Variants in FAT3 observed in about 807,000 individuals in gnomAD.
The protein encoded by FAT3 is protocadherin Fat 3.
FAT3 carries 95 observed loss-of-function variants against 310.2 expected under a neutral mutation model. The observed-to-expected ratio is 0.31, with a 90% CI of 0.26 to 0.36. The LOEUF (loss-of-function observed/expected upper bound fraction) is 0.36, where lower values mean the gene tolerates loss of function less well. Ranked by LOEUF, FAT3 falls within the 10% of genes least tolerant of loss-of-function variation. FAT3 has a pLI of 1.00. For synonymous variants in FAT3, 2,314 were observed against 2,192.9 expected, an observed-to-expected ratio of 1.06 and a Z score of -1.54; for missense variants, 5,408 against 5,715.6, an observed-to-expected ratio of 0.95 and a Z score of 1.74.
In FAT3 at chr11:92,277,713, A is replaced by C. The variant is rs1946311804; in HGVS notation, c.-18+52539A>C. Reference sequence around the variant, plus strand: ...TGGGAATACTAGAGTGGAGAGAGAGAGAGGAGGGCAAGGGTTGAAAAGCTA... The same window carrying C: ...TGGGAATACTAGAGTGGAGAGAGAGCGAGGAGGGCAAGGGTTGAAAAGCTA... On this transcript the variant is annotated intron_variant, in intron 1 of 27. Coordinates refer to ENST00000525166, the MANE Select transcript of FAT3 (RefSeq NM_001367949.2). Among the ~76,000 whole-genome samples, 3 of 152,184 alleles carry C rather than the reference A, an allele frequency of 2.0e-5. No individual in the cohort carries two copies. The South Asian group carries it at 6.2e-4, about 32-fold the overall frequency.
chr11:92,703,809 T>G (rs1420146513), intron 4 of FAT3, among the ~76,000 whole-genome samples: 1 of 152,278 alleles, frequency 6.6e-6, no homozygotes, highest in Non-Finnish European at 1.5e-5. Flanking sequence ...TGGACATTTT[T>G]TCCTTTGACT....
At chr11:92,438,098 A>G (rs1950984265) in intron 2 of FAT3, among the ~76,000 whole-genome samples, 1 of 152,216 alleles carries the variant, frequency 6.6e-6, no homozygotes, top group Non-Finnish European at 1.5e-5. Context: ...CTTTGCAGAT[A>G]TAATGATTAA....
At chr11:92,727,087 G>A (rs527667337) in intron 4 of FAT3, among the ~76,000 whole-genome samples, 17 of 151,994 alleles carry the variant, frequency 1.1e-4, no homozygotes, top group Non-Finnish European at 2.2e-4. Context: ...TATGAATTTC[G>A]ATTAACTTCA....
chr11:92,573,278 C>T (rs916972777), intron 3 of FAT3, among the ~76,000 whole-genome samples: 2 of 152,090 alleles, frequency 1.3e-5, no homozygotes, highest in South Asian at 4.2e-4. Flanking sequence ...GCCTCTCTTT[C>T]CTGACTCCCT....
chr11:92,271,488 C>T (rs1591035574), intron 1 of FAT3, among the ~76,000 whole-genome samples: 1 of 152,138 alleles, frequency 6.6e-6, no homozygotes, highest in Non-Finnish European at 1.5e-5. Flanking sequence ...TCGTTTTCTT[C>T]ACAGCATATT....
At chr11:92,488,752 C>T (rs78432879) in intron 2 of FAT3, among the ~76,000 whole-genome samples, 5,413 of 152,112 alleles carry the variant, frequency 0.036, 328 homozygotes, top group African/African-American at 0.12. Flanking sequence ...GCAAAGCCTT[C>T]TCCCACCTCA....
intron 3 of FAT3, among the ~76,000 whole-genome samples, chr11:92,554,336 C>G (rs892295292): frequency 6.6e-6 from 1 of 151,262 alleles, no homozygotes; most frequent in African/African-American, 2.4e-5. Flanking sequence ...GTGGCAGGTG[C>G]CTGTAGTCAC....
At chr11:92,369,368 T>G (rs575196509) in intron 2 of FAT3, among the ~76,000 whole-genome samples, 1 of 152,248 alleles carries the variant, frequency 6.6e-6, no homozygotes, top group East Asian at 1.9e-4. Flanking sequence ...CTAGTCCTGA[T>G]TTTAAGGTTG....
Position 92,790,210 on chromosome 11 carries a change from A to G in FAT3, c.4603A>G (p.Asn1535Asp). ...TGAGGCCCAGGACAAGCACATTCTC[A>G]ACATAATGGTAGGACCAAAATCCTA... The part of the protein sequence containing the change: ...DHEAQDKHIL[N>D]IMVRDQEFPY... Residue 1535 changes from asparagine to aspartate, a missense_variant, in exon 8 of 28, where the codon AAC becomes GAC. Coordinates refer to ENST00000525166, the MANE Select transcript of FAT3 (RefSeq NM_001367949.2). 1.1e-5 allele frequency: 17 copies of G among 1,613,482 alleles called. No individual in the cohort carries two copies. The highest frequency in any genetic ancestry group is 1.2e-5 in the Non-Finnish European group (14 of 1,179,522).
chr11:92,382,347 A>T (rs967871412), intron 2 of FAT3, among the ~76,000 whole-genome samples: 4 of 152,172 alleles, frequency 2.6e-5, no homozygotes, highest in Non-Finnish European at 5.9e-5. Context: ...AATAAGCAAT[A>T]TCTATATTGT....
intron 3 of FAT3, among the ~76,000 whole-genome samples, chr11:92,582,715 G>A (rs1938878872): frequency 1.3e-5 from 2 of 152,000 alleles, no homozygotes; most frequent in South Asian, 2.1e-4. Context: ...CTGTGACATG[G>A]CATTCTTTGG....
chr11:92,858,654 T>A (rs1327891229), intron 20 of FAT3, among the ~76,000 whole-genome samples: 1 of 152,208 alleles, frequency 6.6e-6, no homozygotes, highest in East Asian at 1.9e-4. Context: ...ATGAATTTCC[T>A]TTATATCAGT....
intron 4 of FAT3, among the ~76,000 whole-genome samples, chr11:92,710,100 A>C (rs754730085): frequency 1.3e-5 from 2 of 152,204 alleles, no homozygotes; most frequent in African/African-American, 4.8e-5. Flanking sequence ...ACTTTCAAAT[A>C]AAATAGAAAA....
intron 1 of FAT3, among the ~76,000 whole-genome samples, chr11:92,233,333 C>G (rs1455485361): frequency 6.6e-6 from 1 of 152,180 alleles, no homozygotes. Context: ...AGCGTTCCAT[C>G]TTTCCTGTAG....
intron 3 of FAT3, among the ~76,000 whole-genome samples, chr11:92,539,070 T>A (rs1231508567): frequency 6.6e-6 from 1 of 152,148 alleles, no homozygotes; most frequent in Non-Finnish European, 1.5e-5. Context: ...TTGTAAAATT[T>A]CCTATTTTAT....
At position 92,383,912 on chromosome 11, in the gene FAT3, GAT is replaced by G. The variant is rs532681445; in HGVS notation, c.3292+28511_3292+28512del. Among the ~76,000 whole-genome samples the G allele has an allele frequency of 2.5e-3, 379 of 152,198 alleles. 5 individuals are homozygous for G. Among genetic ancestry groups the G allele is most frequent in the African/African-American group, 8.6e-3 (359 of 41,522 alleles). On this transcript the variant is annotated intron_variant, in intron 2 of 27. Coordinates refer to ENST00000525166, the MANE Select transcript of FAT3 (RefSeq NM_001367949.2). ...AGAAAAATGAGATTTAATTTGGTGTGATATTCCTTTTCCTGCTAATCCAAAGA... is the reference window on the plus strand; with the variant it reads ...AGAAAAATGAGATTTAATTTGGTGTGATTCCTTTTCCTGCTAATCCAAAGA...
intron 3 of FAT3, among the ~76,000 whole-genome samples, chr11:92,566,155 A>G (rs1955432792): frequency 1.3e-5 from 2 of 152,196 alleles, no homozygotes; most frequent in Non-Finnish European, 2.9e-5. Flanking sequence ...TCAGTACAAA[A>G]TCTCCTTAAG....
chr11:92,698,024 C>T (rs142254027), intron 4 of FAT3, among the ~76,000 whole-genome samples: 34 of 152,214 alleles, frequency 2.2e-4, no homozygotes, highest in African/African-American at 7.9e-4. Context: ...TATGAAAGAG[C>T]TTTGCAGCAC....
At position 92,816,741 on chromosome 11, in the gene FAT3, G is replaced by A. The variant is rs566283535; in HGVS notation, c.9481+6665G>A. 1.4e-4 allele frequency among the ~76,000 whole-genome samples: 22 copies of A among 152,156 alleles called. No homozygotes were observed. In the South Asian group the frequency reaches 2.7e-3, roughly 19 times the overall value. On this transcript the variant is annotated intron_variant, in intron 13 of 27. Transcript: ENST00000525166. The stretch of plus-strand genomic sequence containing the variant: ...CTGTAATCCCAGCACTTTGGGAGGC[G>A]GAGGCGGGCAGATCACTTCAGGTCA...
Sources: gnomAD v4.1 joint callset for allele counts (sites outside exome capture counted in the v4.1 genomes callset) on GRCh38, gnomAD v4.1.1 for gene constraint, MANE v1.5 for transcripts, NCBI Gene and HGNC (gene_info 2026-07-23, HGNC 2026-07-21) for gene names.